WDR47: variants seen among roughly 807,000 people sequenced by gnomAD.
WDR47 encodes the protein WD repeat-containing protein 47.
A neutral mutation model predicts 97.2 loss-of-function variants in WDR47; 32 were observed. That is an observed-to-expected ratio of 0.33 (90% confidence interval 0.25 to 0.44). The LOEUF is 0.44. WDR47 is among the 20% of genes least tolerant of loss of function. The pLI is 1.00. For missense variants in WDR47, 782 were observed against 1,102.3 expected, an observed-to-expected ratio of 0.71 and a Z score of 4.11; for synonymous variants, 375 against 373.5, an observed-to-expected ratio of 1.00 and a Z score of -0.05.
chr1:109,003,993 G>A (rs1435895394), intron 6 of WDR47, among the ~76,000 whole-genome samples: 1 of 152,064 alleles, frequency 6.6e-6, no homozygotes, highest in African/African-American at 2.4e-5. Flanking sequence ...GGCCGGGCGC[G>A]GTGGCTCAAG....
At chr1:108,986,425 G>T (rs1303434011) in intron 10 of WDR47, 98 bp downstream of exon 10, 1 of 1,084,680 alleles carries the variant, frequency 9.2e-7, no homozygotes, top group Non-Finnish European at 1.3e-6. Context: ...AAGAAAGTAA[G>T]ATTTGAAACA....
At chr1:109,003,176 G>A (rs1660341529) in intron 6 of WDR47, among the ~76,000 whole-genome samples, 1 of 152,158 alleles carries the variant, frequency 6.6e-6, no homozygotes, top group African/African-American at 2.4e-5. Context: ...TCAGTTTACA[G>A]TATTGTTCAA....
intron 3 of WDR47, among the ~76,000 whole-genome samples, chr1:109,015,196 C>CA (rs1557949594): frequency 6.7e-6 from 1 of 149,548 alleles, no homozygotes; most frequent in Non-Finnish European, 1.5e-5. Flanking sequence ...AATAGCAAAT[C>CA]AAAAAATAAC....
At chr1:108,976,127 G>A (rs1054964446) in intron 13 of WDR47, among the ~76,000 whole-genome samples, 17 of 152,078 alleles carry the variant, frequency 1.1e-4, no homozygotes, top group African/African-American at 4.1e-4. Context: ...TACATGATTC[G>A]AGCAGTACTT....
intron 2 of WDR47, among the ~76,000 whole-genome samples, chr1:109,018,362 G>A (rs1200412030): frequency 6.6e-6 from 1 of 151,590 alleles, no homozygotes; most frequent in African/African-American, 2.4e-5. Context: ...CTTGAACCTG[G>A]GCGGCAGAGG....
At chr1:109,007,078 C>A (rs1660680661) in intron 5 of WDR47, among the ~76,000 whole-genome samples, 1 of 151,894 alleles carries the variant, frequency 6.6e-6, no homozygotes, top group Non-Finnish European at 1.5e-5. Flanking sequence ...GCTGTGACTA[C>A]AGGCACACGC....
Position 109,035,522 on chromosome 1 carries a change from G to A in WDR47, c.-10+6340C>T, listed in dbSNP as rs1662885248. Among the ~76,000 whole-genome samples, 4 of 149,132 alleles carry A rather than the reference G, an allele frequency of 2.7e-5. No homozygotes were observed. In the South Asian group the frequency reaches 8.5e-4, roughly 32 times the overall value. ...AAATTTTTTTTTTTTTTTTGAGACGGAGTCTTACTCTGTCGCCCAGGCTGG... is the reference window on the plus strand; with the variant it reads ...AAATTTTTTTTTTTTTTTTGAGACGAAGTCTTACTCTGTCGCCCAGGCTGG... On this transcript the variant is annotated intron_variant, in intron 1 of 14. Transcript: ENST00000369962.
intron 13 of WDR47, among the ~76,000 whole-genome samples, chr1:108,981,229 C>A (rs1658319944): frequency 6.6e-6 from 1 of 151,622 alleles, no homozygotes; most frequent in African/African-American, 2.4e-5. Flanking sequence ...GTAATGCATG[C>A]TACCATTTGT....
At chr1:108,981,904 T>C (rs1323636720) in intron 12 of WDR47, 40 bp from the exon 13 acceptor site, 1 of 1,590,562 alleles carries the variant, frequency 6.3e-7, no homozygotes. Context: ...GGTGGGAGAG[T>C]ATCTTTCCAT....
At chr1:109,026,043 C>A (rs1375384973) in intron 1 of WDR47, among the ~76,000 whole-genome samples, 1 of 150,664 alleles carries the variant, frequency 6.6e-6, no homozygotes, top group Admixed American at 6.6e-5. Context: ...TTTCCACTCA[C>A]TAAATTCTTT....
chr1:108,973,103 T>C (rs1326953716), intron 14 of WDR47, among the ~76,000 whole-genome samples: 8 of 152,142 alleles, frequency 5.3e-5, no homozygotes, highest in Admixed American at 2.6e-4. Context: ...CTTGCTGTGC[T>C]CTTCTCCTAA....
Position 108,985,867 on chromosome 1 carries a change from A to C in WDR47, c.1925+656T>G, listed in dbSNP as rs566909219. ...CTTAAATAATGCAGTGAGCACCAGTAAATTATAATACTATCAATTAACATG... is the reference window on the plus strand; with the variant it reads ...CTTAAATAATGCAGTGAGCACCAGTCAATTATAATACTATCAATTAACATG... On this transcript the variant is annotated intron_variant, in intron 10 of 14. Coordinates refer to ENST00000369962, the MANE Select transcript of WDR47 (RefSeq NM_001142551.2). 5.3e-5 allele frequency among the ~76,000 whole-genome samples: 8 copies of C among 152,196 alleles called. No homozygotes were observed. In the East Asian group the frequency reaches 1.4e-3, roughly 26 times the overall value.
chr1:108,995,438 C>T, intron 8 of WDR47, 142 bp downstream of exon 8: 4 of 901,558 alleles, frequency 4.4e-6, no homozygotes, highest in Non-Finnish European at 6.7e-6. Context: ...AGAATATAGA[C>T]AAATGAAGGC....
At chr1:108,974,417 C>T (rs1376282497) in intron 14 of WDR47, 119 bp downstream of exon 14, 1 of 752,262 alleles carries the variant, frequency 1.3e-6, no homozygotes. Context: ...AGAATCTGCT[C>T]AATAAATACT....
In WDR47 at chr1:109,004,729, C is replaced by T. The variant is rs147254861; in HGVS notation, c.1131-14G>A. Reference sequence around the variant, plus strand: ...ACAGGTGTATCACTTCTTCCAGAAACGTGCAAAAAAACAAAAAGGCAGAGG... The same window carrying T: ...ACAGGTGTATCACTTCTTCCAGAAATGTGCAAAAAAACAAAAAGGCAGAGG... On this transcript the variant is annotated splice_polypyrimidine_tract_variant and intron_variant, in intron 5 of 14. Transcript: ENST00000369962. 1.2e-3 allele frequency: 1,898 copies of T among 1,562,276 alleles called. 20 individuals are homozygous for T. The African/African-American group carries it at 0.021, about 17-fold the overall frequency.
chr1:109,032,679 T>G (rs1662684577), intron 1 of WDR47, among the ~76,000 whole-genome samples: 1 of 151,134 alleles, frequency 6.6e-6, no homozygotes. Flanking sequence ...GGCGGATCAC[T>G]TGAGGTCAGG....
At chr1:108,976,460 T>G (rs939082110) in intron 13 of WDR47, among the ~76,000 whole-genome samples, 1 of 151,886 alleles carries the variant, frequency 6.6e-6, no homozygotes, top group African/African-American at 2.4e-5. Context: ...GTTTATAGTG[T>G]CAACAAAAAT....
chr1:109,012,748 C>A (rs1409503463), intron 4 of WDR47, among the ~76,000 whole-genome samples: 1 of 152,190 alleles, frequency 6.6e-6, no homozygotes. Flanking sequence ...CTCACCTAGT[C>A]TAGCCACCAT....
At chr1:109,004,824 C>A (rs1660473163) in intron 5 of WDR47, 109 bp from the exon 6 acceptor site, 1 of 1,310,952 alleles carries the variant, frequency 7.6e-7, no homozygotes, top group East Asian at 2.8e-5. Context: ...GAGATGGAGT[C>A]TCTCTCTGTA....
Sources: gnomAD v4.1 joint callset for allele counts (sites outside exome capture counted in the v4.1 genomes callset) on GRCh38, gnomAD v4.1.1 for gene constraint, MANE v1.5 for transcripts, NCBI Gene and HGNC (gene_info 2026-07-23, HGNC 2026-07-21) for gene names.